Variants in TJP3 observed in about 807,000 individuals in gnomAD.
TJP3 encodes tight junction protein ZO-3.
A neutral mutation model predicts 104.2 loss-of-function variants in TJP3; 85 were observed. That is an observed-to-expected ratio of 0.82 (90% CI 0.68 to 0.98). The LOEUF is 0.98. Among genes scored for constraint, TJP3 ranks in the 50% least tolerant of loss-of-function variants. TJP3 has a pLI of 0.00. For synonymous variants in TJP3, 550 were observed against 550.6 expected (o/e 1.00, Z 0.02); for missense variants, 1,367 against 1,322.8 (o/e 1.03, Z -0.52).
intron 1 of TJP3, among the ~76,000 whole-genome samples, chr19:3,710,173 G>C (rs1271497868): frequency 1.3e-5 from 2 of 150,886 alleles, no homozygotes; most frequent in African/African-American, 2.4e-5. Context: ...AAAAAGGGGT[G>C]GGGGGATATG....
At position 3,738,591 on chromosome 19, in the gene TJP3, G is replaced by A. The variant is rs139956018; in HGVS notation, c.1321G>A (p.Glu441Lys). Residue 441 changes from glutamate to lysine, a missense_variant, in exon 12 of 21, where the codon GAG (glutamate) becomes AAG (lysine). By Grantham distance (56) the Glu-to-Lys change is moderately conservative (BLOSUM62 1). Coordinates refer to ENST00000541714, the MANE Select transcript of TJP3 (RefSeq NM_001267560.2). ...DVPFQNLTRE[E>K]AVQFLLGLPP... The stretch of plus-strand genomic sequence containing the variant: ...GCCATTCCAGAACCTGACACGGGAG[G>A]AGGCAGTGCAGTTCCTGCTGGGGCT... 163 of 1,613,840 alleles carry A rather than the reference G, an allele frequency of 1.0e-4. No individual in the cohort carries two copies. Among genetic ancestry groups the A allele is most frequent in the Non-Finnish European group, 1.3e-4 (158 of 1,179,984 alleles).
chr19:3,723,324 G>A (rs1404426267), intron 1 of TJP3, among the ~76,000 whole-genome samples: 1 of 152,114 alleles, frequency 6.6e-6, no homozygotes, highest in Non-Finnish European at 1.5e-5. Flanking sequence ...AGTTTGCCAG[G>A]GAGTCCAGTA....
Position 3,730,364 on chromosome 19 carries a change from C to T in TJP3, c.271C>T (p.Arg91Cys), listed in dbSNP as rs762534806. 9 of 1,526,374 alleles carry T rather than the reference C, an allele frequency of 5.9e-6. No homozygotes were observed. Among genetic ancestry groups the T allele is most frequent in the South Asian group, 2.6e-5 (2 of 77,826 alleles). 94.6% of individuals were successfully genotyped at this position (1,526,374 alleles called of 1,614,324 possible). A position where few individuals can be genotyped will look rare whatever the true frequency, so the allele number is the denominator to read the frequency against. ...TCCCCTCCTCTAACAGACAGTGAAA[C>T]GTCCCCGGAGGATCCACCTGCCCGC... ...CTKMANITVK[R>C]PRRIHLPATK... The change falls in exon 5 of 21, where the codon CGT becomes TGT. Residue 91 changes from arginine to cysteine, a missense_variant. Arg to Cys is a radical substitution (Grantham distance 180). Transcript: ENST00000541714. The surrounding 1 kb of genome is among the most constrained non-coding windows in gnomAD (Gnocchi z 7.3).
intron 6 of TJP3, among the ~76,000 whole-genome samples, chr19:3,732,246 T>C (rs1415586492): frequency 1.3e-5 from 2 of 152,086 alleles, no homozygotes; most frequent in African/African-American, 4.8e-5. Context: ...AATGTCGGTT[T>C]CTAGTATCCC....
chr19:3,709,607 C>T (rs933098308), intron 1 of TJP3, among the ~76,000 whole-genome samples: 1 of 152,096 alleles, frequency 6.6e-6, no homozygotes, highest in Non-Finnish European at 1.5e-5. Flanking sequence ...CCAAGAGGGT[C>T]CCCCGGGGCC....
intron 15 of TJP3, 29 bp downstream of exon 15, chr19:3,744,063 G>A (rs573012216): frequency 7.2e-5 from 115 of 1,601,142 alleles, no homozygotes; most frequent in Non-Finnish European, 8.6e-5. Flanking sequence ...TGGAAACCTC[G>A]TTGGTGAAAT....
chr19:3,718,128 C>T (rs1389680529), intron 1 of TJP3, among the ~76,000 whole-genome samples: 1 of 145,394 alleles, frequency 6.9e-6, no homozygotes, highest in Non-Finnish European at 1.5e-5. Flanking sequence ...ATGGCGTGAA[C>T]CCGGGAAGCA....
rs746504000 is a variant in TJP3 at position 3,740,647 on chromosome 19, G to A, written c.1727G>A (p.Arg576Gln). The change falls in exon 14 of 21, where the codon CGG (arginine) becomes CAG (glutamine). Residue 576 changes from arginine (R) to glutamine (Q), a missense_variant. Transcript: ENST00000541714. ...TCCAATGCTCGGGCCGAGTTCTGGC[G>A]GCTGCGGGGTCTTCGTCGAGGAGCC... ...AGSNARAEFW[R>Q]LRGLRRGAKK... The A allele has an allele frequency of 7.5e-5, 121 of 1,603,200 alleles. No individual in the cohort carries two copies. The highest frequency in any genetic ancestry group is 9.4e-5 in the Non-Finnish European group (111 of 1,175,530).
rs530068179 is a variant in TJP3, at chr19:3,734,155, G to A, written c.878-172G>A. ...TCGTGCCTTGGCCTCCTGAGTAGCT[G>A]GGATTATAGGCGTGAGCCACCGTGC... On this transcript the variant is annotated intron_variant, in intron 7 of 20. Transcript: ENST00000541714. 70 of 855,500 alleles carry A rather than the reference G, an allele frequency of 8.2e-5. No individual in the cohort carries two copies. In the South Asian group the frequency reaches 1.1e-3, roughly 14 times the overall value. 53.0% of individuals were successfully genotyped at this position (855,500 alleles called of 1,614,324 possible).
chr19:3,740,920 C>T lies in TJP3; in HGVS notation c.1843+157C>T, dbSNP rs569709670. ...CTTTGGGAGGCCGAGGTAGGAGGAT[C>T]GCTGAGGCCAGGAGTTCCAGATCAA... is the stretch of plus-strand genomic sequence containing the variant. On this transcript the variant is annotated intron_variant, in intron 14 of 20. Coordinates refer to ENST00000541714, the MANE Select transcript of TJP3 (RefSeq NM_001267560.2). Among the ~76,000 whole-genome samples the T allele has an allele frequency of 2.6e-5, 4 of 152,266 alleles. No individual in the cohort carries two copies. In the East Asian group the frequency reaches 5.8e-4, roughly 22 times the overall value.
intron 1 of TJP3, among the ~76,000 whole-genome samples, chr19:3,709,458 G>A (rs112416086): frequency 7.4e-4 from 112 of 152,328 alleles, no homozygotes; most frequent in African/African-American, 2.6e-3. Context: ...AGGGGAAGGA[G>A]GAAGGAGCGC....
chr19:3,749,430 C>T (rs2036959871), intron 19 of TJP3, among the ~76,000 whole-genome samples: 1 of 152,068 alleles, frequency 6.6e-6, no homozygotes, highest in South Asian at 2.1e-4. Context: ...GCCTCCAACT[C>T]CTGAGCTAAA....
rs771527185 is a variant in TJP3 at position 3,738,886 on chromosome 19, G to A, written c.1394-11G>A. 7.0e-6 allele frequency: 11 copies of A among 1,569,924 alleles called. No individual in the cohort carries two copies. Among genetic ancestry groups the A allele is most frequent in the Admixed American group, 7.0e-5 (4 of 57,254 alleles). On this transcript the variant is annotated splice_polypyrimidine_tract_variant and intron_variant, in intron 12 of 20. Coordinates refer to ENST00000541714, the MANE Select transcript of TJP3 (RefSeq NM_001267560.2). ...GCCCAGGCAGCTCATGTGGCCTCCC[G>A]CTCTCCCCAGTTTTCTGGAAAATGG...
At chr19:3,716,801 A>ATATATTG (rs1421328174) in intron 1 of TJP3, among the ~76,000 whole-genome samples, 1 of 81,972 alleles carries the variant, frequency 1.2e-5, no homozygotes, top group African/African-American at 4.9e-5. Flanking sequence ...ATATATATAT[A>ATATATTG]TTTTTTTTTT....
At chr19:3,738,340 C>A (rs2145693216) in intron 11 of TJP3, among the ~76,000 whole-genome samples, 1 of 152,312 alleles carries the variant, frequency 6.6e-6, no homozygotes. Flanking sequence ...TGTCAAAACT[C>A]TTGTATCCTT....
chr19:3,744,163 C>G, intron 15 of TJP3, 129 bp downstream of exon 15: 2 of 723,354 alleles, frequency 2.8e-6, no homozygotes, highest in Non-Finnish European at 4.7e-6. Flanking sequence ...GTGCCCCCCC[C>G]AATACCCAAG....
At chr19:3,714,696 A>G (rs2036461493) in intron 1 of TJP3, among the ~76,000 whole-genome samples, 1 of 152,010 alleles carries the variant, frequency 6.6e-6, no homozygotes, top group African/African-American at 2.4e-5. Flanking sequence ...TCACGAGGTC[A>G]GAGTTCGAGA....
In TJP3 at chr19:3,746,769, C is replaced by T. The variant is rs762328571; in HGVS notation, c.2222-7C>T. ...CTCCTGCACACACTGACGTCCCCTC[C>T]CTGCAGCCACCATCCCTCTGAATGG... is the stretch of plus-strand genomic sequence containing the variant. On this transcript the variant is annotated splice_region_variant and splice_polypyrimidine_tract_variant and intron_variant, in intron 17 of 20. Transcript: ENST00000541714. This position sits in a 1 kb window ranked among gnomAD's most constrained non-coding sequence, Gnocchi z 4.1. 1.2e-6 allele frequency: 2 copies of T among 1,605,884 alleles called. No homozygotes were observed. Among genetic ancestry groups the T allele is most frequent in the South Asian group, 2.2e-5 (2 of 89,516 alleles).
At chr19:3,728,349 C>T (rs897917854) in intron 1 of TJP3, 75 bp from the exon 2 acceptor site, 2 of 1,611,120 alleles carry the variant, frequency 1.2e-6, no homozygotes, top group Non-Finnish European at 1.7e-6. Flanking sequence ...ACTCCCCACC[C>T]TGAGCTGGGG....
Sources: gnomAD v4.1 joint callset for allele counts (sites outside exome capture counted in the v4.1 genomes callset) on GRCh38, gnomAD v4.1.1 for gene constraint, Gnocchi (gnomAD v3.1) non-coding constraint, MANE v1.5 for transcripts, NCBI Gene and HGNC (gene_info 2026-07-23, HGNC 2026-07-21) for gene names.